Variants in C16orf74 observed in about 807,000 individuals in gnomAD.
C16orf74 encodes calcimembrin, also known as uncharacterized protein C16orf74.
A neutral mutation model predicts 6.5 loss-of-function variants in C16orf74; 10 were observed. The ratio of observed to expected loss-of-function variants is 1.54; its 90% CI spans 0.95 to 2.61. The LOEUF (loss-of-function observed/expected upper bound fraction) is 2.61, where lower values mean the gene tolerates loss of function less well. C16orf74 is among the 30% of genes most tolerant of loss of function. The pLI is 0.00. For missense variants in C16orf74, 141 were observed against 105.9 expected (o/e 1.33, Z -1.45); for synonymous variants, 60 against 42.5 (o/e 1.41, Z -1.60).
intron 1 of C16orf74, among the ~76,000 whole-genome samples, chr16:85,738,657 T>G (rs1047036172): frequency 6.6e-6 from 1 of 151,992 alleles, no homozygotes; most frequent in Non-Finnish European, 1.5e-5. Flanking sequence ...AAAAGCTCCC[T>G]GCAGGACTCT....
chr16:85,730,331 G>C (rs1245425927), intron 2 of C16orf74, among the ~76,000 whole-genome samples: 1 of 152,128 alleles, frequency 6.6e-6, no homozygotes, highest in African/African-American at 2.4e-5. Flanking sequence ...ACTGTAGCTG[G>C]TCACTTCCTC....
At chr16:85,712,239 A>C (rs1261607312) in intron 2 of C16orf74, among the ~76,000 whole-genome samples, 1 of 152,202 alleles carries the variant, frequency 6.6e-6, no homozygotes, top group African/African-American at 2.4e-5. Context: ...GACATCTTGG[A>C]TGTAACATCA....
chr16:85,722,117 C>T (rs1231080930), intron 2 of C16orf74, among the ~76,000 whole-genome samples: 1 of 151,672 alleles, frequency 6.6e-6, no homozygotes, highest in South Asian at 2.1e-4. Flanking sequence ...CCTGCTTGGG[C>T]CCCCTAAGTA....
At chr16:85,744,793 G>A (rs1410125857) in intron 1 of C16orf74, among the ~76,000 whole-genome samples, 4 of 132,454 alleles carry the variant, frequency 3.0e-5, no homozygotes, top group Admixed American at 8.9e-5. Flanking sequence ...TCGTGCCACT[G>A]CACTCCAGCC....
intron 1 of C16orf74, among the ~76,000 whole-genome samples, chr16:85,744,503 G>C (rs1007701497): frequency 6.6e-6 from 1 of 152,058 alleles, no homozygotes; most frequent in South Asian, 2.1e-4. Context: ...GCTTGAAGAA[G>C]AACAGGTTCT....
chr16:85,714,151 G>A (rs1484371662), intron 2 of C16orf74, among the ~76,000 whole-genome samples: 5 of 152,104 alleles, frequency 3.3e-5, no homozygotes, highest in Admixed American at 3.3e-4. Context: ...GGTGGTAGTG[G>A]GGGAATCAGC....
At chr16:85,722,739 G>A (rs1389517725) in intron 2 of C16orf74, among the ~76,000 whole-genome samples, 1 of 151,986 alleles carries the variant, frequency 6.6e-6, no homozygotes, top group Non-Finnish European at 1.5e-5. Context: ...ACTGCTGACG[G>A]GAAAGCCCCG....
At chr16:85,735,767 G>A (rs1451154042) in intron 1 of C16orf74, among the ~76,000 whole-genome samples, 1 of 152,220 alleles carries the variant, frequency 6.6e-6, no homozygotes, top group African/African-American at 2.4e-5. Context: ...CAGCCCACGG[G>A]TATTAGAATT....
chr16:85,733,423 G>A (rs1018748626), intron 2 of C16orf74, among the ~76,000 whole-genome samples: 1 of 152,172 alleles, frequency 6.6e-6, no homozygotes, highest in Non-Finnish European at 1.5e-5. Flanking sequence ...GTTTAACGGG[G>A]ACAGAGTTTC....
chr16:85,748,514 C>G (rs1470777559), intron 1 of C16orf74, among the ~76,000 whole-genome samples: 1 of 152,072 alleles, frequency 6.6e-6, no homozygotes, highest in Non-Finnish European at 1.5e-5. Context: ...AGGAGAATCA[C>G]TTGAGCCTGG....
chr16:85,739,287 C>T (rs1211336892), intron 1 of C16orf74, among the ~76,000 whole-genome samples: 1 of 152,154 alleles, frequency 6.6e-6, no homozygotes, highest in Non-Finnish European at 1.5e-5. Flanking sequence ...AAGCGCAGAC[C>T]GGCCCTGCAC....
intron 1 of C16orf74, among the ~76,000 whole-genome samples, chr16:85,746,221 G>A (rs931275589): frequency 2.0e-5 from 3 of 152,136 alleles, no homozygotes; most frequent in Admixed American, 6.5e-5. Flanking sequence ...ATGGCAGAGG[G>A]CGCCTGTAAT....
intron 1 of C16orf74, among the ~76,000 whole-genome samples, chr16:85,738,878 G>C (rs1398378427): frequency 2.0e-5 from 3 of 152,140 alleles, no homozygotes; most frequent in Non-Finnish European, 2.9e-5. Context: ...GACCGTTCCT[G>C]TCCCCATCTC....
rs1157043827 is a variant in C16orf74 at position 85,735,235 on chromosome 16, C to T, written c.-18G>A. The stretch of plus-strand genomic sequence containing the variant: ...AGCCCCATGTCGGCACCTCTGCAGG[C>T]CTGTGGAGAGAGGACAGCGCTGAGA... On this transcript the variant is annotated splice_region_variant and 5_prime_UTR_variant, in exon 2 of 4. Coordinates refer to ENST00000284245, the MANE Select transcript of C16orf74 (RefSeq NM_206967.3). 11 of 1,584,994 alleles carry T rather than the reference C, an allele frequency of 6.9e-6. No individual in the cohort carries two copies. The highest frequency in any genetic ancestry group is 5.4e-5 in the Admixed American group (3 of 55,978).
intron 1 of C16orf74, among the ~76,000 whole-genome samples, chr16:85,745,643 G>T (rs1034566745): frequency 1.3e-5 from 2 of 150,402 alleles, no homozygotes; most frequent in Non-Finnish European, 3.0e-5. Flanking sequence ...TCTCCCGCTG[G>T]CTGGAGGGAC....
intron 1 of C16orf74, chr16:85,744,224 T>TAAAA (rs1345666311): frequency 2.6e-4 from 1 of 3,900 alleles, no homozygotes; most frequent in Non-Finnish European, 9.9e-4. Context: ...AAACTCCGTC[T>TAAAA]CAAAAAAAAA....
intron 1 of C16orf74, among the ~76,000 whole-genome samples, chr16:85,749,869 C>G (rs536944318): frequency 2.0e-4 from 30 of 152,326 alleles, no homozygotes; most frequent in African/African-American, 7.2e-4. Context: ...TTTCAGCCTC[C>G]TTGGGGCTGG....
At chr16:85,727,449 A>G (rs2054145272) in intron 2 of C16orf74, among the ~76,000 whole-genome samples, 1 of 152,176 alleles carries the variant, frequency 6.6e-6, no homozygotes, top group African/African-American at 2.4e-5. Context: ...ACAACTAAAT[A>G]TCATGTGGGA....
At chr16:85,718,087 C>T (rs1333657421) in intron 2 of C16orf74, among the ~76,000 whole-genome samples, 1 of 152,160 alleles carries the variant, frequency 6.6e-6, no homozygotes, top group Non-Finnish European at 1.5e-5. Context: ...TTTTTCATTT[C>T]ATTTAAATTA....
Sources: allele counts gnomAD v4.1 joint callset (sites outside exome capture counted in the v4.1 genomes callset), GRCh38; gene constraint gnomAD v4.1.1; transcripts MANE v1.5; gene names NCBI Gene and HGNC (gene_info 2026-07-23, HGNC 2026-07-21).